Variants in RPS6KC1 observed in about 807,000 individuals in gnomAD.
RPS6KC1 encodes inactive ribosomal protein S6 kinase delta-1.
In RPS6KC1, 54 loss-of-function variants were observed where a neutral mutation model predicts 103.8. The ratio of observed to expected loss-of-function variants is 0.52; its 90% CI spans 0.42 to 0.65. The LOEUF is 0.65. Ranked by LOEUF, RPS6KC1 falls within the 30% of genes least tolerant of loss-of-function variation. The pLI is 0.00. For missense variants in RPS6KC1, 1,151 were observed against 1,253.8 expected (o/e 0.92, Z 1.24); for synonymous variants, 439 against 438.7 (o/e 1.00, Z -0.01).
At chr1:213,615,287 A>C in the RPS6KC1 span, among the ~76,000 whole-genome samples, 1 of 152,360 alleles carries the variant, frequency 6.6e-6, no homozygotes, top group Non-Finnish European at 1.5e-5. Context: ...CAGCCCAGGC[A>C]GGCTGCTTCA....
the RPS6KC1 span, among the ~76,000 whole-genome samples, chr1:213,516,780 T>G: frequency 1.3e-5 from 2 of 152,348 alleles, no homozygotes; most frequent in South Asian, 4.1e-4. Context: ...TTCTATTGAT[T>G]GAAAAAGTTT....
At chr1:213,813,850 G>A in the RPS6KC1 span, among the ~76,000 whole-genome samples, 1 of 152,124 alleles carries the variant, frequency 6.6e-6, no homozygotes, top group African/African-American at 2.4e-5. Flanking sequence ...GATCACTGTG[G>A]TTTCCTACTC....
chr1:213,690,080 C>A, the RPS6KC1 span, among the ~76,000 whole-genome samples: 1 of 152,296 alleles, frequency 6.6e-6, no homozygotes, highest in East Asian at 1.9e-4. Flanking sequence ...GGCTTTTGTG[C>A]TCAGTGCTTT....
the RPS6KC1 span, among the ~76,000 whole-genome samples, chr1:213,745,976 A>G: frequency 6.6e-6 from 1 of 152,250 alleles, no homozygotes; most frequent in South Asian, 2.1e-4. Context: ...TATCTACTAT[A>G]TCTGATTCCA....
At chr1:213,639,184 A>T in the RPS6KC1 span, among the ~76,000 whole-genome samples, 1 of 152,090 alleles carries the variant, frequency 6.6e-6, no homozygotes, top group East Asian at 1.9e-4. Flanking sequence ...ACATTTTTGT[A>T]TTGACATTGT....
At chr1:213,320,079 G>A in the RPS6KC1 span, among the ~76,000 whole-genome samples, 1 of 152,206 alleles carries the variant, frequency 6.6e-6, no homozygotes, top group South Asian at 2.1e-4. Context: ...AAGGGCATGA[G>A]GCTGGGAGTT....
the RPS6KC1 span, among the ~76,000 whole-genome samples, chr1:213,408,140 G>C: frequency 8.5e-5 from 13 of 152,166 alleles, no homozygotes; most frequent in African/African-American, 2.9e-4. Flanking sequence ...TCTTAAACTT[G>C]GGGGTCTTTC....
intron 6 of RPS6KC1, among the ~76,000 whole-genome samples, chr1:213,137,000 G>C (rs2086345337): frequency 6.6e-6 from 1 of 152,118 alleles, no homozygotes; most frequent in Non-Finnish European, 1.5e-5. Flanking sequence ...GCTCAGGTCT[G>C]CTTTTTTCTA....
At chr1:213,336,532 G>A in the RPS6KC1 span, among the ~76,000 whole-genome samples, 2 of 152,176 alleles carry the variant, frequency 1.3e-5, no homozygotes, top group East Asian at 3.8e-4. Context: ...AAGGGTCATA[G>A]AGTCATTATT....
chr1:213,824,162 A>C, the RPS6KC1 span, among the ~76,000 whole-genome samples: 78 of 152,322 alleles, frequency 5.1e-4, no homozygotes, highest in African/African-American at 1.9e-3. Flanking sequence ...AGGTCCCCAT[A>C]TCCACAAAGG....
the RPS6KC1 span, among the ~76,000 whole-genome samples, chr1:213,299,337 A>G: frequency 1.3e-5 from 2 of 152,170 alleles, no homozygotes; most frequent in African/African-American, 4.8e-5. Flanking sequence ...ATCACATCTG[A>G]GGTCAGGAGT....
intron 2 of RPS6KC1, among the ~76,000 whole-genome samples, chr1:213,072,205 G>C (rs1472140359): frequency 6.6e-6 from 1 of 151,500 alleles, no homozygotes; most frequent in African/African-American, 2.4e-5. Context: ...GTTTAGCCAC[G>C]GGTCCCACTA....
chr1:213,564,324 C>T, the RPS6KC1 span, among the ~76,000 whole-genome samples: 2 of 152,140 alleles, frequency 1.3e-5, no homozygotes, highest in African/African-American at 4.8e-5. Context: ...TTCTTTGCCA[C>T]ACTTTGTGAT....
chr1:213,089,311 G>A (rs1182155337), intron 3 of RPS6KC1, among the ~76,000 whole-genome samples: 2 of 151,938 alleles, frequency 1.3e-5, no homozygotes, highest in Admixed American at 6.6e-5. Context: ...TATATTCCAT[G>A]GTGCTTCACA....
chr1:213,732,375 G>GTT, the RPS6KC1 span, among the ~76,000 whole-genome samples: 1 of 151,888 alleles, frequency 6.6e-6, no homozygotes, highest in African/African-American at 2.4e-5. Context: ...GTGTGTGTGT[G>GTT]TAAGCCTAAA....
chr1:213,272,490 A>G (rs759293955), intron 14 of RPS6KC1, 34 bp from the exon 15 acceptor site: 8 of 1,511,414 alleles, frequency 5.3e-6, no homozygotes, highest in Non-Finnish European at 7.4e-6. Context: ...TGCCAGTTGG[A>G]TTCCTGTTAC....
At chr1:213,536,555 A>G in the RPS6KC1 span, among the ~76,000 whole-genome samples, 1 of 151,944 alleles carries the variant, frequency 6.6e-6, no homozygotes, top group Non-Finnish European at 1.5e-5. Context: ...ATACTGAATA[A>G]ATTAACGAAC....
At chr1:213,465,460 GC>G in the RPS6KC1 span, among the ~76,000 whole-genome samples, 1 of 152,110 alleles carries the variant, frequency 6.6e-6, no homozygotes, top group African/African-American at 2.4e-5. Context: ...TCCTGATGTG[GC>G]TGTGCCAGTT....
At chr1:213,519,429 G>A in the RPS6KC1 span, among the ~76,000 whole-genome samples, 1 of 152,164 alleles carries the variant, frequency 6.6e-6, no homozygotes, top group East Asian at 1.9e-4. Flanking sequence ...TCACTGGGGG[G>A]AAAAGATAAT....
Sources: gnomAD v4.1 joint callset for allele counts (sites outside exome capture counted in the v4.1 genomes callset) on GRCh38, gnomAD v4.1.1 for gene constraint, MANE v1.5 for transcripts, NCBI Gene and HGNC (gene_info 2026-07-23, HGNC 2026-07-21) for gene names.